FANCI: variants seen among roughly 807,000 people sequenced by gnomAD.
The protein encoded by FANCI is Fanconi anemia group I protein.
In FANCI, 156 loss-of-function variants were observed where a neutral mutation model predicts 176.1. The observed-to-expected ratio is 0.89, with a 90% CI of 0.78 to 1.01. The LOEUF is 1.01. Ranked by LOEUF, FANCI falls within the 50% of genes least tolerant of loss-of-function variation. FANCI has a pLI of 0.00. For synonymous variants in FANCI, 613 were observed against 541.7 expected (o/e 1.13, Z -1.83); for missense variants, 1,678 against 1,534.1 (o/e 1.09, Z -1.57).
chr15:89,284,851 G>A (rs1002393961), intron 17 of FANCI, among the ~76,000 whole-genome samples: 6 of 152,178 alleles, frequency 3.9e-5, no homozygotes, highest in African/African-American at 1.4e-4. Flanking sequence ...AATTGATATT[G>A]TCAAGGAAAC....
At chr15:89,248,368 G>A (rs1336190886) in intron 2 of FANCI, among the ~76,000 whole-genome samples, 1 of 152,150 alleles carries the variant, frequency 6.6e-6, no homozygotes, top group Non-Finnish European at 1.5e-5. Context: ...AAGACATTGA[G>A]TATCATGGGA....
chr15:89,304,848 C>A (rs1216843623), intron 28 of FANCI, among the ~76,000 whole-genome samples: 1 of 151,736 alleles, frequency 6.6e-6, no homozygotes, highest in African/African-American at 2.4e-5. Flanking sequence ...ACGGTCTTGG[C>A]TGACCGCAGC....
In FANCI at chr15:89,306,016, C is replaced by G; in HGVS notation, c.3359C>G (p.Ser1120Cys). Residue 1120 changes from serine to cysteine, a missense_variant, in exon 32 of 38, where the codon TCT (serine) becomes TGT (cysteine). Coordinates refer to ENST00000310775, the MANE Select transcript of FANCI (RefSeq NM_001113378.2). ...TTTTATTTCCCTTTAGAAGAGGCCT[C>G]TTCTCAGGCAACCCTACCAAATCAG... ...VSQETLSEEA[S>C]SQATLPNQPV... The G allele has an allele frequency of 2.5e-6, 4 of 1,614,184 alleles. No individual in the cohort carries two copies. In the South Asian group the frequency reaches 4.4e-5, roughly 18 times the overall value.
intron 26 of FANCI, 68 bp downstream of exon 26, chr15:89,300,453 G>T (rs560556623): frequency 3.2e-5 from 45 of 1,423,890 alleles, no homozygotes; most frequent in South Asian, 2.1e-4. Context: ...AGCAGGGGCA[G>T]CTGGTAAGAA....
chr15:89,257,108 G>T (rs1039350096), intron 2 of FANCI, among the ~76,000 whole-genome samples: 5 of 152,068 alleles, frequency 3.3e-5, no homozygotes, highest in African/African-American at 1.2e-4. Flanking sequence ...GGGTTTCACC[G>T]TGTTAGCCAG....
rs1364757336 is a variant in FANCI at position 89,313,926 on chromosome 15, C to CACACACACAT, written c.3721-686_3721-685insACACACACAT. Among the ~76,000 whole-genome samples the CACACACACAT allele has an allele frequency of 1.7e-4, 25 of 146,644 alleles. No individual in the cohort carries two copies. In the East Asian group the frequency reaches 4.6e-3, roughly 27 times the overall value. On this transcript the variant is annotated intron_variant, in intron 35 of 37. Transcript: ENST00000310775. Reference sequence around the variant, plus strand: ...ACACACACACACACACACACACACACGTAGGACCTACAAATTACAATTCAC... The same window carrying CACACACACAT: ...ACACACACACACACACACACACACACACACACACATGTAGGACCTACAAATTACAATTCAC...
In FANCI at chr15:89,301,446, C is replaced by T; in HGVS notation, c.3006+4C>T. On this transcript the variant is annotated splice_donor_region_variant and intron_variant, in intron 27 of 37. Transcript: ENST00000310775. ...ACTGGAGCCCTCCTCTCCTCAGGTA[C>T]TAGTACCGCTAACTTAATCCCATTT... The T allele has an allele frequency of 6.3e-7, 1 of 1,580,816 alleles. No individual in the cohort carries two copies. The highest frequency in any genetic ancestry group is 8.7e-7 in the Non-Finnish European group (1 of 1,149,524).
chr15:89,263,719 T>C (rs1270962200), intron 7 of FANCI, among the ~76,000 whole-genome samples, 184 bp from the exon 8 acceptor site: 2 of 152,232 alleles, frequency 1.3e-5, no homozygotes, highest in Non-Finnish European at 2.9e-5. Context: ...TTAAAGGTTC[T>C]TCATTAGAGA....
intron 18 of FANCI, among the ~76,000 whole-genome samples, chr15:89,288,037 C>T (rs1380362027): frequency 6.6e-6 from 1 of 152,144 alleles, no homozygotes; most frequent in African/African-American, 2.4e-5. Flanking sequence ...AAAAATGGTA[C>T]TGAGAGACTT....
In FANCI at chr15:89,261,622, C is replaced by T; in HGVS notation, c.326C>T (p.Ala109Val). The change falls in exon 5 of 38, where the codon GCC (alanine) becomes GTC (valine). Residue 109 changes from alanine to valine, a missense_variant. Physicochemically the swap from Ala to Val is moderately conservative, Grantham distance 64 (BLOSUM62 0). This residue lies in a region of FANCI where 469 missense variants were observed against 436.9 expected (regional missense o/e 1.07). Coordinates refer to ENST00000310775, the MANE Select transcript of FANCI (RefSeq NM_001113378.2). ...CCAGGACCATTATTGGTTGAATTAG[C>T]CAATGAGTTTATTAGTGCTGTCAGA... ...HFPGPLLVEL[A>V]NEFISAVREG... The T allele has an allele frequency of 6.2e-7, 1 of 1,614,088 alleles. No individual in the cohort carries two copies. Among genetic ancestry groups the T allele is most frequent in the Non-Finnish European group, 8.5e-7 (1 of 1,180,008 alleles).
chr15:89,306,158 C>G lies in FANCI; in HGVS notation c.3501C>G (p.Cys1167Trp). Residue 1167 changes from cysteine to tryptophan, a missense_variant, in exon 32 of 38, where the codon TGC (cysteine) becomes TGG (tryptophan). Physicochemically the swap from Cys to Trp is radical, Grantham distance 215. Coordinates refer to ENST00000310775, the MANE Select transcript of FANCI (RefSeq NM_001113378.2). ...TGGACACCTTGTTAAAGGACTTGTG[C>G]AAAATGTACACCACACTTACAGCCC... ...SCVDTLLKDL[C>W]KMYTTLTALV... The G allele has an allele frequency of 6.2e-7, 1 of 1,614,176 alleles. No homozygotes were observed. The highest frequency in any genetic ancestry group is 8.5e-7 in the Non-Finnish European group (1 of 1,180,040).
In FANCI at chr15:89,261,923, C is replaced by T. The variant is rs192676269; in HGVS notation, c.503+45C>T. On this transcript the variant is annotated intron_variant, in intron 6 of 37. Coordinates refer to ENST00000310775, the MANE Select transcript of FANCI (RefSeq NM_001113378.2). ...ATAACTTTCTTAGGAATACAAGTGG[C>T]GGAAAAAAAACCACTTTATTTCAGG... The T allele has an allele frequency of 1.6e-3, 2,607 of 1,584,052 alleles. 11 individuals are homozygous for T. The highest frequency in any genetic ancestry group is 9.9e-3 in the Middle Eastern group (56 of 5,632).
chr15:89,249,450 C>T (rs988771473), intron 2 of FANCI, among the ~76,000 whole-genome samples: 2 of 152,180 alleles, frequency 1.3e-5, no homozygotes, highest in African/African-American at 2.4e-5. Flanking sequence ...TGGGCTCATG[C>T]GATCCTCCCA....
At chr15:89,260,629 T>A (rs760988541) in intron 3 of FANCI, 84 bp from the exon 4 acceptor site, 14 of 1,540,430 alleles carry the variant, frequency 9.1e-6, no homozygotes, top group Non-Finnish European at 1.1e-5. Context: ...TTTTTTTGTA[T>A]TTAACTACAA....
At position 89,244,779 on chromosome 15, in the gene FANCI, T is replaced by G. The variant is rs1314189036; in HGVS notation, c.-20+746T>G. ...CCTTCTAATCTTGGGGGAAATTCCC[T>G]AATCTCTGAATCCCAAAAGTTGTTC... On this transcript the variant is annotated intron_variant, in intron 1 of 37. Coordinates refer to ENST00000310775, the MANE Select transcript of FANCI (RefSeq NM_001113378.2). Among the ~76,000 whole-genome samples the G allele has an allele frequency of 3.3e-5, 5 of 152,326 alleles. No homozygotes were observed. In the East Asian group the frequency reaches 9.6e-4, roughly 29 times the overall value.
At chr15:89,252,592 T>C (rs193293070) in intron 2 of FANCI, among the ~76,000 whole-genome samples, 1 of 151,992 alleles carries the variant, frequency 6.6e-6, no homozygotes, top group Non-Finnish European at 1.5e-5. Context: ...ATAGAAAAAT[T>C]AGCTGGGCGT....
At position 89,312,985 on chromosome 15, in the gene FANCI, CACTG is replaced by C. The variant is rs759240153; in HGVS notation, c.3720+16_3720+19del. On this transcript the variant is annotated intron_variant, in intron 35 of 37. Coordinates refer to ENST00000310775, the MANE Select transcript of FANCI (RefSeq NM_001113378.2). ...TGCCACAGCCATGGTAAGCTGCTGA[CACTG>C]ACCGTTAAAATATGCTTGTTGGTGA... 1.2e-6 allele frequency: 2 copies of C among 1,613,260 alleles called. No individual in the cohort carries two copies.
At chr15:89,294,875 G>T (rs1318967109) in intron 23 of FANCI, 40 bp from the exon 24 acceptor site, 2 of 1,541,738 alleles carry the variant, frequency 1.3e-6, no homozygotes, top group South Asian at 2.4e-5. Context: ...AGCAGTAAGG[G>T]AATCTTCCTT....
chr15:89,278,607 T>A (rs2053494248), intron 13 of FANCI, 80 bp from the exon 14 acceptor site: 1 of 1,024,184 alleles, frequency 9.8e-7, no homozygotes, highest in Non-Finnish European at 1.5e-6. Flanking sequence ...AAACGGTTCT[T>A]CATGCTGCCT....
Sources: gnomAD v4.1 joint callset for allele counts (sites outside exome capture counted in the v4.1 genomes callset) on GRCh38, gnomAD v4.1.1 for gene constraint, gnomAD v4.1.1 regional missense constraint, MANE v1.5 for transcripts, NCBI Gene and HGNC (gene_info 2026-07-23, HGNC 2026-07-21) for gene names.